Variants in SPAG16 observed in about 807,000 individuals in gnomAD.
SPAG16 encodes sperm associated antigen 16, also known as sperm-associated antigen 16 protein.
In SPAG16, 86 loss-of-function variants were observed where a neutral mutation model predicts 80.4. The ratio of observed to expected loss-of-function variants is 1.07; its 90% CI spans 0.90 to 1.28. SPAG16 has a LOEUF of 1.28. SPAG16 is among the 50% of genes most tolerant of loss of function. The pLI is 0.00. For missense variants in SPAG16, 870 were observed against 765.3 expected, an observed-to-expected ratio of 1.14 and a Z score of -1.61; for synonymous variants, 294 against 265.9, an observed-to-expected ratio of 1.11 and a Z score of -1.03.
intron 6 of SPAG16, among the ~76,000 whole-genome samples, chr2:213,344,913 G>A (rs934210116): frequency 1.3e-5 from 2 of 152,160 alleles, no homozygotes; most frequent in African/African-American, 4.8e-5. Context: ...GGATCGCTGG[G>A]TCAAATGGTA....
chr2:214,046,215 T>A (rs2049318659), intron 13 of SPAG16, among the ~76,000 whole-genome samples: 1 of 151,958 alleles, frequency 6.6e-6, no homozygotes, highest in Admixed American at 6.6e-5. Context: ...ATAAAAACTC[T>A]CCCAGCAAAG....
chr2:213,457,209 C>A (rs2072073816), intron 9 of SPAG16, among the ~76,000 whole-genome samples: 1 of 152,112 alleles, frequency 6.6e-6, no homozygotes, highest in Non-Finnish European at 1.5e-5. Flanking sequence ...TTAGGATGGA[C>A]TTACTCTTTC....
At chr2:214,005,710 A>C (rs1370622367) in intron 12 of SPAG16, among the ~76,000 whole-genome samples, 2 of 152,182 alleles carry the variant, frequency 1.3e-5, no homozygotes, top group African/African-American at 2.4e-5. Flanking sequence ...TATTTTTGAC[A>C]ATATAAAACA....
chr2:213,540,191 C>T (rs534396594), intron 10 of SPAG16, among the ~76,000 whole-genome samples: 20 of 150,070 alleles, frequency 1.3e-4, no homozygotes, highest in South Asian at 2.1e-4. Flanking sequence ...CCTGCCACCA[C>T]GCCCAGCTAA....
chr2:213,678,352 C>CA (rs1164085461), intron 10 of SPAG16, among the ~76,000 whole-genome samples: 9 of 151,888 alleles, frequency 5.9e-5, no homozygotes, highest in African/African-American at 1.9e-4. Context: ...AAAGGATCAA[C>CA]AAAATAGATA....
chr2:214,404,307 G>A (rs966940461), intron 15 of SPAG16, among the ~76,000 whole-genome samples: 8 of 152,162 alleles, frequency 5.3e-5, no homozygotes, highest in Admixed American at 3.3e-4. Flanking sequence ...ACTGCCACAC[G>A]TGCATTTTCC....
At chr2:213,827,696 T>C (rs1412595591) in intron 10 of SPAG16, among the ~76,000 whole-genome samples, 1 of 152,060 alleles carries the variant, frequency 6.6e-6, no homozygotes, top group African/African-American at 2.4e-5. Context: ...GCATTTCTTG[T>C]AGGACAGGTC....
intron 9 of SPAG16, among the ~76,000 whole-genome samples, chr2:213,480,178 A>G (rs1195653747): frequency 6.6e-6 from 1 of 152,232 alleles, no homozygotes; most frequent in Admixed American, 6.5e-5. Flanking sequence ...ATTTTATTAC[A>G]TTTTAAGTTG....
At chr2:214,116,411 G>A (rs1323752610) in intron 14 of SPAG16, among the ~76,000 whole-genome samples, 2 of 152,184 alleles carry the variant, frequency 1.3e-5, no homozygotes, top group Non-Finnish European at 2.9e-5. Flanking sequence ...ATTTTGAGGT[G>A]CACCAGACTC....
intron 5 of SPAG16, among the ~76,000 whole-genome samples, chr2:213,334,602 A>G (rs975206660): frequency 2.0e-5 from 3 of 152,192 alleles, no homozygotes; most frequent in African/African-American, 7.2e-5. Flanking sequence ...TAGTACATAT[A>G]TGTAATGGAG....
chr2:214,054,862 A>T (rs930183546), intron 13 of SPAG16, among the ~76,000 whole-genome samples: 1 of 152,210 alleles, frequency 6.6e-6, no homozygotes, highest in African/African-American at 2.4e-5. Flanking sequence ...TAAATATATG[A>T]CAATTAGCAG....
chr2:214,131,635 A>T (rs1414823024), intron 14 of SPAG16, among the ~76,000 whole-genome samples: 2 of 151,846 alleles, frequency 1.3e-5, no homozygotes, highest in African/African-American at 4.8e-5. Flanking sequence ...TTAAAAAAAA[A>T]ATGAACTATT....
At chr2:214,150,550 T>C (rs1174452998) in intron 15 of SPAG16, among the ~76,000 whole-genome samples, 1 of 152,098 alleles carries the variant, frequency 6.6e-6, no homozygotes, top group African/African-American at 2.4e-5. Context: ...ACCATAGCTC[T>C]AAAGGAACTC....
intron 15 of SPAG16, among the ~76,000 whole-genome samples, chr2:214,407,994 GA>G (rs113350347): frequency 6.6e-6 from 1 of 151,878 alleles, no homozygotes; most frequent in Non-Finnish European, 1.5e-5. Flanking sequence ...AGGTAAACTT[GA>G]AAAACCGCAT....
intron 15 of SPAG16, among the ~76,000 whole-genome samples, chr2:214,158,296 T>C (rs2056300329): frequency 6.6e-6 from 1 of 151,964 alleles, no homozygotes; most frequent in Non-Finnish European, 1.5e-5. Flanking sequence ...AACTTGAAAA[T>C]AAAACATCAA....
intron 13 of SPAG16, among the ~76,000 whole-genome samples, chr2:214,098,055 A>G (rs1362241277): frequency 1.3e-5 from 2 of 152,096 alleles, no homozygotes; most frequent in Non-Finnish European, 2.9e-5. Context: ...TAATCATTAC[A>G]TTATATGCTT....
intron 12 of SPAG16, among the ~76,000 whole-genome samples, chr2:213,980,376 T>C (rs1490304385): frequency 2.6e-5 from 1 of 39,208 alleles, no homozygotes; most frequent in Non-Finnish European, 3.7e-5. Context: ...TGTATATATA[T>C]TCTCTATATA....
At chr2:213,900,062 G>A in intron 11 of SPAG16, among the ~76,000 whole-genome samples, 1 of 152,064 alleles carries the variant, frequency 6.6e-6, no homozygotes, top group East Asian at 1.9e-4. Context: ...TGTTGACCTA[G>A]AATGCATCAA....
intron 10 of SPAG16, among the ~76,000 whole-genome samples, chr2:213,795,126 G>C (rs1244486226): frequency 6.6e-6 from 1 of 152,068 alleles, no homozygotes; most frequent in East Asian, 1.9e-4. Flanking sequence ...ATAATTGAAA[G>C]TTCATTCTCA....
Sources: gnomAD v4.1 joint callset for allele counts (sites outside exome capture counted in the v4.1 genomes callset) on GRCh38, gnomAD v4.1.1 for gene constraint, MANE v1.5 for transcripts, NCBI Gene and HGNC (gene_info 2026-07-23, HGNC 2026-07-21) for gene names.